Variants in UGT1A6 observed in about 807,000 individuals in gnomAD.
UGT1A6 encodes the protein UDP glucuronosyltransferase family 1 member A6.
In UGT1A6, 32 loss-of-function variants were observed where a neutral mutation model predicts 44.4. The observed-to-expected ratio is 0.72, with a 90% CI of 0.54 to 0.97. The LOEUF (loss-of-function observed/expected upper bound fraction) is 0.97, where lower values mean the gene tolerates loss of function less well. UGT1A6 is among the 50% of genes least tolerant of loss of function. The pLI, the probability that UGT1A6 is intolerant of heterozygous loss-of-function variation, is 0.00. For synonymous variants in UGT1A6, 238 were observed against 248.5 expected (o/e 0.96, Z 0.40); for missense variants, 685 against 661.9 (o/e 1.03, Z -0.38).
At chr2:233,748,159 A>G (rs963522217) in intron 1 of UGT1A6, 2 of 1,598,928 alleles carry the variant, frequency 1.3e-6, no homozygotes, top group African/African-American at 1.4e-5. Context: ...AATTGCTTCC[A>G]TATCTACTTA....
chr2:233,739,386 C>A (rs1247379490), intron 1 of UGT1A6, among the ~76,000 whole-genome samples: 2 of 152,188 alleles, frequency 1.3e-5, no homozygotes, highest in East Asian at 3.9e-4. Flanking sequence ...CCTGGAAGAG[C>A]CACAGACATC....
chr2:233,768,108 G>C, intron 3 of UGT1A6, 112 bp from the exon 4 acceptor site: 1 of 1,594,934 alleles, frequency 6.3e-7, no homozygotes, highest in South Asian at 1.1e-5. Flanking sequence ...GCAAATTTCT[G>C]CAAGGGCATG....
chr2:233,719,647 T>A, intron 1 of UGT1A6: 2 of 1,614,094 alleles, frequency 1.2e-6, no homozygotes, highest in South Asian at 2.2e-5. Flanking sequence ...ATGGTCTTCA[T>A]TGGGGGCATC....
At chr2:233,728,809 T>G (rs2077752579) in intron 1 of UGT1A6, among the ~76,000 whole-genome samples, 1 of 152,110 alleles carries the variant, frequency 6.6e-6, no homozygotes, top group African/African-American at 2.4e-5. Flanking sequence ...TAGGAGACAG[T>G]GACATGAAAT....
At chr2:233,754,028 T>C (rs751344508) in intron 1 of UGT1A6, among the ~76,000 whole-genome samples, 3 of 152,268 alleles carry the variant, frequency 2.0e-5, no homozygotes, top group African/African-American at 7.2e-5. Context: ...AGGAAACGAA[T>C]GCATCCACTT....
rs553866736 is a variant in UGT1A6 at position 233,748,743 on chromosome 2, G to A, written c.862-18291G>A. 1.8e-4 allele frequency among the ~76,000 whole-genome samples: 28 copies of A among 151,644 alleles called. No individual in the cohort carries two copies. The South Asian group carries it at 2.7e-3, about 15-fold the overall frequency. The stretch of plus-strand genomic sequence containing the variant: ...ATGATGTGGGGACATCTCAGAGTTC[G>A]GAAGGCATAGTTTTGGTTGCAGGTC... On this transcript the variant is annotated intron_variant, in intron 1 of 4. Transcript: ENST00000305139.
intron 1 of UGT1A6, chr2:233,756,080 A>T (rs1179999635): frequency 6.6e-6 from 1 of 152,234 alleles, no homozygotes; most frequent in African/African-American, 2.4e-5. Flanking sequence ...GACAATGAGA[A>T]AATCAAGTAA....
chr2:233,719,929 A>G (rs1186808280), intron 1 of UGT1A6, among the ~76,000 whole-genome samples: 1 of 152,194 alleles, frequency 6.6e-6, no homozygotes, highest in African/African-American at 2.4e-5. Context: ...ACTCACGGAC[A>G]GTGTTTGTAA....
At chr2:233,741,204 T>C (rs1691587952) in intron 1 of UGT1A6, among the ~76,000 whole-genome samples, 1 of 151,922 alleles carries the variant, frequency 6.6e-6, no homozygotes, top group Admixed American at 6.5e-5. Flanking sequence ...CTGTTAAAAC[T>C]AGCCAGAGTT....
chr2:233,701,893 A>G (rs17862865), intron 1 of UGT1A6, among the ~76,000 whole-genome samples: 86,716 of 151,582 alleles, frequency 0.57, 26,751 homozygotes, highest in African/African-American at 0.82. Context: ...GAGAAAGCAG[A>G]AAAGATCTAA....
intron 1 of UGT1A6, chr2:233,719,806 T>C: frequency 1.9e-6 from 3 of 1,595,234 alleles, no homozygotes; most frequent in Non-Finnish European, 2.6e-6. Context: ...TTTGGCTTCT[T>C]TATAACAGAT....
intron 1 of UGT1A6, among the ~76,000 whole-genome samples, chr2:233,737,121 G>T (rs11684169): frequency 0.034 from 5,131 of 152,320 alleles, 100 homozygotes; most frequent in African/African-American, 0.051. Context: ...ATGTTCAGAA[G>T]TTGTCTGCTG....
chr2:233,768,435 A>G lies in UGT1A6; in HGVS notation c.1297A>G (p.Lys433Glu), dbSNP rs1699610425. Residue 433 changes from lysine to glutamate, a missense_variant, in exon 4 of 5, where the codon AAA becomes GAA. Physicochemically the swap from Lys to Glu is moderately conservative, Grantham distance 56. Transcript: ENST00000305139. ...ENALKAVINDKSYKENIMRLS... is the reference protein window; with the variant it reads ...ENALKAVINDESYKENIMRLS... ...TGCTCTAAAAGCAGTCATCAATGAC[A>G]AAAGGTAAGAAAGAAGATACAGAAG... 1.2e-6 allele frequency: 2 copies of G among 1,613,666 alleles called. No individual in the cohort carries two copies. The highest frequency in any genetic ancestry group is 1.7e-6 in the Non-Finnish European group (2 of 1,179,762).
chr2:233,707,137 G>A (rs574638671), intron 1 of UGT1A6, among the ~76,000 whole-genome samples: 22 of 152,242 alleles, frequency 1.4e-4, no homozygotes, highest in East Asian at 9.7e-4. Flanking sequence ...TTTCTATCCC[G>A]GAGGTCACTG....
chr2:233,759,924 C>T (rs887829), intron 1 of UGT1A6, among the ~76,000 whole-genome samples: 54,890 of 151,920 alleles, frequency 0.36, 10,314 homozygotes, highest in African/African-American at 0.45. Context: ...TGTTTAATTT[C>T]TGGAAAAGAA....
intron 1 of UGT1A6, among the ~76,000 whole-genome samples, chr2:233,725,285 GGCAGAGGCAGAGGCA>G: frequency 1.1e-5 from 1 of 89,706 alleles, no homozygotes; most frequent in East Asian, 3.3e-4. Flanking sequence ...CAGAGGCAGA[GGCAGAGGCAGAGGCA>G]GAGGCAGAGG....
At chr2:233,744,380 A>G (rs1168834333) in intron 1 of UGT1A6, among the ~76,000 whole-genome samples, 1 of 151,890 alleles carries the variant, frequency 6.6e-6, no homozygotes, top group Non-Finnish European at 1.5e-5. Context: ...GCAGTTCTCC[A>G]ACGTTCCAGC....
chr2:233,718,792 A>C (rs766693959), intron 1 of UGT1A6: 2 of 1,613,154 alleles, frequency 1.2e-6, no homozygotes, highest in Non-Finnish European at 8.5e-7. Context: ...CGTGGGGTGG[A>C]CAGTCAGCTG....
intron 1 of UGT1A6, among the ~76,000 whole-genome samples, chr2:233,733,693 C>T (rs2078430243): frequency 6.6e-6 from 1 of 152,134 alleles, no homozygotes; most frequent in Non-Finnish European, 1.5e-5. Flanking sequence ...TGATGTGCTG[C>T]TGGATTTGGT....
Sources: gnomAD v4.1 joint callset for allele counts (sites outside exome capture counted in the v4.1 genomes callset) on GRCh38, gnomAD v4.1.1 for gene constraint, MANE v1.5 for transcripts, NCBI Gene and HGNC (gene_info 2026-07-23, HGNC 2026-07-21) for gene names.